Variants in FLOT1 observed in about 807,000 individuals in gnomAD.
FLOT1 encodes flotillin 1.
FLOT1 carries 40 observed loss-of-function variants against 58.4 expected under a neutral mutation model. That is an observed-to-expected ratio of 0.69 (90% CI 0.53 to 0.89). The LOEUF (loss-of-function observed/expected upper bound fraction) is 0.89. FLOT1 is among the 40% of genes least tolerant of loss of function. FLOT1 has a pLI of 0.00. For synonymous variants in FLOT1, 178 were observed against 204.2 expected (o/e 0.87, Z 1.09); for missense variants, 423 against 540.8 (o/e 0.78, Z 2.16).
intron 8 of FLOT1, among the ~76,000 whole-genome samples, chr6:30,738,255 C>A (rs1440498713): frequency 2.6e-5 from 4 of 152,216 alleles, no homozygotes; most frequent in Non-Finnish European, 5.9e-5. Context: ...GCTGCAGCTG[C>A]TGCTGGGTAG....
rs975399219 is a variant in FLOT1, at chr6:30,737,219, T to C, written c.723+2939A>G. ...TGACTGACTGTCTGTCGTCCGTCCGTCCGTCCGTCCGTCCGTCCGTCCGTC... is the reference window on the plus strand; with the variant it reads ...TGACTGACTGTCTGTCGTCCGTCCGCCCGTCCGTCCGTCCGTCCGTCCGTC... On this transcript the variant is annotated intron_variant, in intron 8 of 12. Transcript: ENST00000376389. The surrounding 1 kb of genome is among the most constrained non-coding windows in gnomAD (Gnocchi z 4.4). Among the ~76,000 whole-genome samples the C allele has an allele frequency of 7.5e-6, 1 of 133,582 alleles. No homozygotes were observed. The highest frequency in any genetic ancestry group is 1.6e-5 in the Non-Finnish European group (1 of 64,092). 87.6% of individuals were successfully genotyped at this position (133,582 alleles called of 152,430 possible). A position where few individuals can be genotyped will look rare whatever the true frequency, so the allele number is the denominator to read the frequency against.
At position 30,737,208 on chromosome 6, in the gene FLOT1, TCGTCCGTCCGTCCGTC is replaced by T. The variant is rs148516220; in HGVS notation, c.723+2934_723+2949del. Among the ~76,000 whole-genome samples the T allele has an allele frequency of 2.5e-4, 34 of 138,124 alleles. No individual in the cohort carries two copies. The highest frequency in any genetic ancestry group is 1.1e-3 in the South Asian group (5 of 4,366). 90.6% of individuals were successfully genotyped at this position (138,124 alleles called of 152,430 possible). On this transcript the variant is annotated intron_variant, in intron 8 of 12. Transcript: ENST00000376389. This position sits in a 1 kb window ranked among gnomAD's most constrained non-coding sequence, Gnocchi z 4.4. Reference sequence around the variant, plus strand: ...GACTGACTGACTGACTGACTGTCTGTCGTCCGTCCGTCCGTCCGTCCGTCCGTCCGTCCGTCCGTCC... The same window carrying T: ...GACTGACTGACTGACTGACTGTCTGTCGTCCGTCCGTCCGTCCGTCCGTCC...
intron 8 of FLOT1, among the ~76,000 whole-genome samples, chr6:30,738,318 C>G (rs1341779143): frequency 6.6e-6 from 1 of 151,954 alleles, no homozygotes; most frequent in Admixed American, 6.5e-5. Flanking sequence ...TCAAGTCACC[C>G]AGGAATTTAA....
At chr6:30,733,213 T>TA (rs1777321768) in intron 8 of FLOT1, among the ~76,000 whole-genome samples, 1 of 151,990 alleles carries the variant, frequency 6.6e-6, no homozygotes, top group African/African-American at 2.4e-5. Flanking sequence ...TTTTTGTGTT[T>TA]TTAATAGAGA....
At position 30,742,280 on chromosome 6, in the gene FLOT1, T is replaced by C; in HGVS notation, c.-14-77A>G. 2.4e-6 allele frequency: 3 copies of C among 1,270,210 alleles called. No homozygotes were observed. The highest frequency in any genetic ancestry group is 3.5e-6 in the Non-Finnish European group (3 of 868,466). 78.7% of individuals were successfully genotyped at this position (1,270,210 alleles called of 1,614,324 possible). Reference sequence around the variant, plus strand: ...GTCCACAGGGGCCCATCCTTTCCCTTTCCCGTCAGGCCCTCCCAGTCTGCA... The same window carrying C: ...GTCCACAGGGGCCCATCCTTTCCCTCTCCCGTCAGGCCCTCCCAGTCTGCA... On this transcript the variant is annotated intron_variant, in intron 1 of 12. Coordinates refer to ENST00000376389, the MANE Select transcript of FLOT1 (RefSeq NM_005803.4). This position sits in a 1 kb window ranked among gnomAD's most constrained non-coding sequence, Gnocchi z 5.2.
At chr6:30,730,387 T>C in intron 11 of FLOT1, 41 bp downstream of exon 11, 1 of 1,539,006 alleles carries the variant, frequency 6.5e-7, no homozygotes, top group East Asian at 2.3e-5. Flanking sequence ...TAGTCCCTGG[T>C]TCTATTTCCT....
At chr6:30,739,262 G>A (rs575703825) in intron 8 of FLOT1, among the ~76,000 whole-genome samples, 1 of 152,300 alleles carries the variant, frequency 6.6e-6, no homozygotes, top group East Asian at 1.9e-4. Flanking sequence ...GGCATGGGCC[G>A]GATCTGAGCT....
chr6:30,732,417 T>C (rs1777268097), intron 8 of FLOT1, among the ~76,000 whole-genome samples: 1 of 151,958 alleles, frequency 6.6e-6, no homozygotes, highest in Non-Finnish European at 1.5e-5. Flanking sequence ...AATGGCGTAA[T>C]CATGGCTCAC....
chr6:30,729,975 A>C (rs370922135), intron 12 of FLOT1, 47 bp downstream of exon 12: 1 of 1,566,732 alleles, frequency 6.4e-7, no homozygotes, highest in Non-Finnish European at 8.8e-7. Flanking sequence ...TGTGTCACAC[A>C]ACACAGGAAC....
intron 8 of FLOT1, among the ~76,000 whole-genome samples, chr6:30,733,280 C>T (rs1351094879): frequency 6.6e-6 from 1 of 152,102 alleles, no homozygotes; most frequent in South Asian, 2.1e-4. Flanking sequence ...AGGTGATCCA[C>T]CTGCTTCGGC....
chr6:30,740,206 G>C lies in FLOT1; in HGVS notation c.675C>G (p.Ile225Met). 2 of 1,613,012 alleles carry C rather than the reference G, an allele frequency of 1.2e-6. No individual in the cohort carries two copies. The highest frequency in any genetic ancestry group is 1.7e-6 in the Non-Finnish European group (2 of 1,180,014). Residue 225 changes from isoleucine to methionine, a missense_variant, in exon 8 of 13, where the codon ATC becomes ATG. Physicochemically the swap from Ile to Met is conservative, Grantham distance 10. This residue lies in a region of FLOT1 where 137 missense variants were observed against 194.6 expected (regional missense o/e 0.70). Coordinates refer to ENST00000376389, the MANE Select transcript of FLOT1 (RefSeq NM_005803.4). ...DYELKKAAYD[I>M]EVNTRRAQAD... ...CCTGTGCTCGGCGGGTGTTGACCTC[G>C]ATGTCATAGGCGGCCTTCTTCAGTT...
In FLOT1 at chr6:30,737,425, A is replaced by G. The variant is rs1777676642; in HGVS notation, c.723+2733T>C. 6.6e-6 allele frequency among the ~76,000 whole-genome samples: 1 copy of G among 151,922 alleles called. No homozygotes were observed. On this transcript the variant is annotated intron_variant, in intron 8 of 12. Transcript: ENST00000376389. This position sits in a 1 kb window ranked among gnomAD's most constrained non-coding sequence, Gnocchi z 4.4. ...GCTCAAACCACCACACCCGGCTAAT[A>G]TTTTTTGTATTTTTGGTAGAGACAG...
At chr6:30,740,054 T>C in intron 8 of FLOT1, 104 bp downstream of exon 8, 1 of 1,150,916 alleles carries the variant, frequency 8.7e-7, no homozygotes, top group Non-Finnish European at 1.2e-6. Context: ...AGAGCCAGAA[T>C]AAGACCAAAG....
At chr6:30,735,457 A>AT (rs1277925928) in intron 8 of FLOT1, among the ~76,000 whole-genome samples, 1 of 151,658 alleles carries the variant, frequency 6.6e-6, no homozygotes, top group East Asian at 1.9e-4. Context: ...CTAAAAAAAA[A>AT]AAAAAAAATA....
chr6:30,733,740 C>CAAAAA (rs35048121), intron 8 of FLOT1, among the ~76,000 whole-genome samples: 8 of 63,072 alleles, frequency 1.3e-4, no homozygotes, highest in Admixed American at 1.9e-4. Flanking sequence ...AAATCCATCT[C>CAAAAA]AAAAAAAAAA....
intron 9 of FLOT1, 88 bp downstream of exon 9, chr6:30,730,830 AG>A: frequency 1.3e-6 from 2 of 1,596,790 alleles, no homozygotes; most frequent in Non-Finnish European, 1.7e-6. Context: ...TGAAATCCAT[AG>A]GAGTCCAGGT....
At chr6:30,733,681 C>T (rs1186696736) in intron 8 of FLOT1, among the ~76,000 whole-genome samples, 1 of 145,194 alleles carries the variant, frequency 6.9e-6, no homozygotes, top group Non-Finnish European at 1.5e-5. Context: ...GCAGAGGTTG[C>T]AGTAGCTGAG....
Position 30,737,226 on chromosome 6 carries a change from G to A in FLOT1, c.723+2932C>T, listed in dbSNP as rs1364290491. Among the ~76,000 whole-genome samples the A allele has an allele frequency of 2.6e-4, 37 of 139,818 alleles. No individual in the cohort carries two copies. Among genetic ancestry groups the A allele is most frequent in the East Asian group, 1.3e-3 (6 of 4,648 alleles). 91.7% of individuals were successfully genotyped at this position (139,818 alleles called of 152,430 possible). ...CTGTCTGTCGTCCGTCCGTCCGTCC[G>A]TCCGTCCGTCCGTCCGTCCGTCCAT... On this transcript the variant is annotated intron_variant, in intron 8 of 12. Transcript: ENST00000376389. The surrounding 1 kb of genome is among the most constrained non-coding windows in gnomAD (Gnocchi z 4.4).
chr6:30,740,180 G>C lies in FLOT1; in HGVS notation c.701C>G (p.Ala234Gly). Residue 234 changes from alanine to glycine, a missense_variant, in exon 8 of 13, where the codon GCT becomes GGT. Transcript: ENST00000376389. ...GACCTGAAGCTGATAGGCCAGGTCA[G>C]CCTGTGCTCGGCGGGTGTTGACCTC... is the stretch of plus-strand genomic sequence containing the variant. ...DIEVNTRRAQ[A>G]DLAYQLQVAK... is the part of the protein sequence containing the mutation. 2 of 1,613,064 alleles carry C rather than the reference G, an allele frequency of 1.2e-6. No individual in the cohort carries two copies. The highest frequency in any genetic ancestry group is 1.7e-5 in the Admixed American group (1 of 60,034).
Sources: gnomAD v4.1 joint callset for allele counts (sites outside exome capture counted in the v4.1 genomes callset) on GRCh38, gnomAD v4.1.1 for gene constraint, gnomAD v4.1.1 regional missense constraint, Gnocchi (gnomAD v3.1) non-coding constraint, MANE v1.5 for transcripts, NCBI Gene and HGNC (gene_info 2026-07-23, HGNC 2026-07-21) for gene names.